Variants in ATP2C2 observed in about 807,000 individuals in gnomAD.
ATP2C2 encodes the protein calcium-transporting ATPase type 2C member 2.
A neutral mutation model predicts 110.8 loss-of-function variants in ATP2C2; 171 were observed. The ratio of observed to expected loss-of-function variants is 1.54; its 90% CI spans 1.36 to 1.75. The LOEUF (loss-of-function observed/expected upper bound fraction) is 1.75, where lower values mean the gene tolerates loss of function less well. Among genes scored for constraint, ATP2C2 ranks in the 40% most tolerant of loss-of-function variants. ATP2C2 has a pLI of 0.00. For synonymous variants in ATP2C2, 804 were observed against 508.4 expected (o/e 1.58, Z -7.82); for missense variants, 1,963 against 1,235.0 (o/e 1.59, Z -8.84).
intron 24 of ATP2C2, chr16:84,461,085 G>T (rs751682665): frequency 2.3e-6 from 1 of 429,884 alleles, no homozygotes; most frequent in Admixed American, 3.9e-5. Flanking sequence ...AGGACAGGCT[G>T]CCCCCTGTTC....
chr16:84,459,039 C>T, intron 21 of ATP2C2, 81 bp from the exon 22 acceptor site: 1 of 1,476,152 alleles, frequency 6.8e-7, no homozygotes, highest in Admixed American at 1.7e-5. Flanking sequence ...CGAGTCACCA[C>T]TGCCCCTTGC....
rs533378071 is a variant in ATP2C2, at chr16:84,373,467, T to A, written c.99+4753T>A. ...GTGAGCCAAGATTGCGCCACTACAC[T>A]CCAGCCTGGGTGACAGAGCGAGACT... is the stretch of plus-strand genomic sequence containing the variant. On this transcript the variant is annotated intron_variant, in intron 1 of 26. Coordinates refer to ENST00000262429, the MANE Select transcript of ATP2C2 (RefSeq NM_014861.4). Among the ~76,000 whole-genome samples, 28 of 152,054 alleles carry A rather than the reference T, an allele frequency of 1.8e-4. No individual in the cohort carries two copies. The South Asian group carries it at 5.2e-3, about 28-fold the overall frequency.
intron 11 of ATP2C2, among the ~76,000 whole-genome samples, chr16:84,434,382 C>G (rs1160640586): frequency 1.3e-5 from 2 of 151,796 alleles, no homozygotes; most frequent in Non-Finnish European, 2.9e-5. Context: ...CACCGCTGCA[C>G]TCCAGCCTGG....
At chr16:84,425,016 G>A (rs929588717) in intron 10 of ATP2C2, among the ~76,000 whole-genome samples, 1 of 152,142 alleles carries the variant, frequency 6.6e-6, no homozygotes, top group East Asian at 1.9e-4. Context: ...TGATGACTGA[G>A]TTTAGTAGCC....
chr16:84,458,430 G>C (rs1418204573), intron 21 of ATP2C2, among the ~76,000 whole-genome samples: 4 of 142,250 alleles, frequency 2.8e-5, no homozygotes, highest in African/African-American at 8.0e-5. Flanking sequence ...CACCAGCATG[G>C]CACATGTATA....
Position 84,439,196 on chromosome 16 carries a change from G to T in ATP2C2, c.1017G>T (p.Leu339=). 1 of 1,612,238 alleles carries T rather than the reference G, an allele frequency of 6.2e-7. No homozygotes were observed. Among genetic ancestry groups the T allele is most frequent in the Non-Finnish European group, 8.5e-7 (1 of 1,180,016 alleles). Residue 339 remains leucine, a synonymous_variant, in exon 12 of 27, where the codon CTG becomes CTT. Transcript: ENST00000262429. Reference sequence around the variant, plus strand: ...CTGTGGCGGCCATTCCAGAGGGTCTGCCCATCGTCGTCATGGTGACGCTGG... The same window carrying T: ...CTGTGGCGGCCATTCCAGAGGGTCTTCCCATCGTCGTCATGGTGACGCTGG... ...SLAVAAIPEG[L]PIVVMVTLVL...
intron 6 of ATP2C2, among the ~76,000 whole-genome samples, chr16:84,415,128 C>G (rs1175999451): frequency 1.3e-5 from 2 of 152,070 alleles, no homozygotes; most frequent in African/African-American, 4.8e-5. Flanking sequence ...GACCCTGCAC[C>G]CTGAGTGCTG....
chr16:84,409,178 T>A (rs1336964008), intron 4 of ATP2C2, among the ~76,000 whole-genome samples: 1 of 152,110 alleles, frequency 6.6e-6, no homozygotes, highest in Non-Finnish European at 1.5e-5. Flanking sequence ...AAACCATCAT[T>A]CTAAGCAAAC....
At chr16:84,453,481 C>A in intron 20 of ATP2C2, 110 bp downstream of exon 20, 1 of 1,421,478 alleles carries the variant, frequency 7.0e-7, no homozygotes, top group Non-Finnish European at 9.9e-7. Flanking sequence ...CCGACCGTGG[C>A]TTCCTTCTCT....
chr16:84,406,765 A>C, intron 3 of ATP2C2: 2 of 494,560 alleles, frequency 4.0e-6, no homozygotes, highest in Non-Finnish European at 5.2e-6. Context: ...ATGGGCTGTG[A>C]GGGAGGAGCT....
chr16:84,444,177 A>C (rs976256349), intron 15 of ATP2C2, among the ~76,000 whole-genome samples: 3 of 151,022 alleles, frequency 2.0e-5, no homozygotes, highest in South Asian at 4.2e-4. Flanking sequence ...AAAAAAAAAA[A>C]AAAAAAACAA....
chr16:84,461,695 C>A lies in ATP2C2; in HGVS notation c.2482-19C>A. ...TGTCTCTTCCCGCCTAACCTCTCAC[C>A]TTTGTGCTCACCTTCCAGATGCCTG... On this transcript the variant is annotated intron_variant, in intron 24 of 26. Coordinates refer to ENST00000262429, the MANE Select transcript of ATP2C2 (RefSeq NM_014861.4). The A allele has an allele frequency of 6.2e-7, 1 of 1,609,032 alleles. No individual in the cohort carries two copies. The highest frequency in any genetic ancestry group is 8.5e-7 in the Non-Finnish European group (1 of 1,175,312).
At chr16:84,379,694 G>A (rs181281667) in intron 1 of ATP2C2, among the ~76,000 whole-genome samples, 86 of 152,328 alleles carry the variant, frequency 5.6e-4, no homozygotes, top group Non-Finnish European at 1.0e-3. Context: ...GCTTCTCTGC[G>A]TGTCTCAGAT....
chr16:84,394,002 C>CA (rs202138049), intron 1 of ATP2C2, among the ~76,000 whole-genome samples: 1,267 of 117,262 alleles, frequency 0.011, 26 homozygotes, highest in African/African-American at 0.023. Context: ...TTAAAAATAC[C>CA]AAAAAAAATA....
At chr16:84,401,288 A>G (rs561059137) in intron 2 of ATP2C2, among the ~76,000 whole-genome samples, 28 of 136,406 alleles carry the variant, frequency 2.1e-4, no homozygotes, top group Admixed American at 2.0e-3. Context: ...CGGTGGCGCT[A>G]TCTCAGCTCA....
chr16:84,421,695 C>T (rs911942873), intron 7 of ATP2C2, among the ~76,000 whole-genome samples: 1 of 152,160 alleles, frequency 6.6e-6, no homozygotes, highest in Non-Finnish European at 1.5e-5. Context: ...TTTCTGGAAC[C>T]AGAGCTTCGG....
chr16:84,407,990 G>A (rs1231723416), intron 3 of ATP2C2, among the ~76,000 whole-genome samples: 1 of 152,222 alleles, frequency 6.6e-6, no homozygotes, highest in Non-Finnish European at 1.5e-5. Flanking sequence ...CCTAGAGGCT[G>A]TTACAGGAGC....
intron 1 of ATP2C2, among the ~76,000 whole-genome samples, chr16:84,385,135 C>G (rs1904302373): frequency 6.6e-6 from 1 of 152,138 alleles, no homozygotes. Context: ...GTTCTGCAGG[C>G]TGTACAGGAA....
intron 15 of ATP2C2, among the ~76,000 whole-genome samples, chr16:84,445,401 G>A (rs1209914066): frequency 6.6e-6 from 1 of 151,946 alleles, no homozygotes; most frequent in East Asian, 1.9e-4. Flanking sequence ...GTAGAGACAG[G>A]GTTTCACCAT....
Sources: allele counts gnomAD v4.1 joint callset (sites outside exome capture counted in the v4.1 genomes callset), GRCh38; gene constraint gnomAD v4.1.1; transcripts MANE v1.5; gene names NCBI Gene and HGNC (gene_info 2026-07-23, HGNC 2026-07-21).